ARHGAP20: variants seen among roughly 807,000 people sequenced by gnomAD.
ARHGAP20 encodes Rho GTPase activating protein 20.
In ARHGAP20, 34 loss-of-function variants were observed where a neutral mutation model predicts 73.7. That is an observed-to-expected ratio of 0.46 (90% confidence interval 0.35 to 0.61). The LOEUF (loss-of-function observed/expected upper bound fraction) is 0.61. ARHGAP20 is among the 20% of genes least tolerant of loss of function. The pLI is 0.00. For missense variants in ARHGAP20, 1,314 were observed against 1,420.9 expected, an observed-to-expected ratio of 0.92 and a Z score of 1.21; for synonymous variants, 523 against 518.2, an observed-to-expected ratio of 1.01 and a Z score of -0.13.
At position 110,651,483 on chromosome 11, in the gene ARHGAP20, A is replaced by G. The variant is rs980628420; in HGVS notation, c.189-20691T>C. ...GAAATATTAATAGACTGCTAGCTAG[A>G]CTAACATGGAAGAAGAGACAGAAGA... On this transcript the variant is annotated intron_variant, in intron 2 of 14. Coordinates refer to ENST00000683387, the MANE Select transcript of ARHGAP20 (RefSeq NM_001384657.1). Among the ~76,000 whole-genome samples the G allele has an allele frequency of 3.3e-5, 5 of 152,040 alleles. 1 individual carries two copies. Among genetic ancestry groups the G allele is most frequent in the Admixed American group, 3.3e-4 (5 of 15,226 alleles).
intron 1 of ARHGAP20, chr11:110,711,798 C>G: frequency 1.5e-6 from 2 of 1,345,914 alleles, no homozygotes; most frequent in Non-Finnish European, 1.9e-6. Flanking sequence ...GAAAGGCGAT[C>G]GCCCACTACA....
At chr11:110,641,437 AG>A (rs1949075352) in intron 2 of ARHGAP20, among the ~76,000 whole-genome samples, 1 of 152,090 alleles carries the variant, frequency 6.6e-6, no homozygotes, top group Non-Finnish European at 1.5e-5. Context: ...ATTATCAAGA[AG>A]GAAAGGAACA....
At chr11:110,584,200 C>T (rs774469512) in intron 12 of ARHGAP20, among the ~76,000 whole-genome samples, 9 of 152,290 alleles carry the variant, frequency 5.9e-5, no homozygotes, top group East Asian at 1.9e-4. Flanking sequence ...GCTATCAAGA[C>T]GTCCAGGTCC....
intron 2 of ARHGAP20, among the ~76,000 whole-genome samples, chr11:110,632,352 C>G (rs181730458): frequency 6.6e-6 from 1 of 152,252 alleles, no homozygotes; most frequent in East Asian, 1.9e-4. Flanking sequence ...TTGGTGTTAT[C>G]AATCTTTTGA....
intron 12 of ARHGAP20, among the ~76,000 whole-genome samples, chr11:110,584,940 TATATGAATATATGAATATATGTGA>T (rs1215130614): frequency 4.0e-5 from 5 of 125,066 alleles, no homozygotes; most frequent in Admixed American, 9.6e-5. Context: ...AATATATGTG[TATATGAATATATGAATATATGTGA>T]ATATATGAAT....
At chr11:110,609,356 A>G (rs1281324888) in intron 7 of ARHGAP20, among the ~76,000 whole-genome samples, 1 of 152,170 alleles carries the variant, frequency 6.6e-6, no homozygotes, top group Non-Finnish European at 1.5e-5. Context: ...CTTAACCTCC[A>G]ACATGCCCCT....
rs535780143 is a variant in ARHGAP20 at position 110,678,755 on chromosome 11, A to G, written c.188+11792T>C. ...CGGCTCACTGCGCCTCAACCTCCTG[A>G]GCTCAAGCAATCCTCCCACCTCAGC... On this transcript the variant is annotated intron_variant, in intron 2 of 14. Transcript: ENST00000683387. 3.5e-3 allele frequency among the ~76,000 whole-genome samples: 532 copies of G among 152,150 alleles called. 3 individuals carry two copies. The highest frequency in any genetic ancestry group is 0.012 in the African/African-American group (499 of 41,542).
intron 2 of ARHGAP20, among the ~76,000 whole-genome samples, chr11:110,681,304 G>T (rs778032919): frequency 1.1e-4 from 17 of 152,114 alleles, no homozygotes; most frequent in Non-Finnish European, 2.1e-4. Context: ...CTTATACCAA[G>T]AAACCATACC....
intron 2 of ARHGAP20, among the ~76,000 whole-genome samples, chr11:110,664,135 C>G (rs1398805629): frequency 6.6e-6 from 1 of 151,980 alleles, no homozygotes; most frequent in Non-Finnish European, 1.5e-5. Flanking sequence ...CAAAGAGGTC[C>G]ACTAGAACCA....
At chr11:110,713,034 AG>A (rs1355493582), upstream of ARHGAP20, 1 of 152,292 alleles carries the variant, frequency 6.6e-6, no homozygotes, top group Non-Finnish European at 1.5e-5. Flanking sequence ...GGGCTTCTGC[AG>A]CCGGTCATGT....
chr11:110,580,267 C>A lies in ARHGAP20; in HGVS notation c.2679G>T (p.Met893Ile). Residue 893 changes from methionine to isoleucine, a missense_variant, in exon 15 of 15, where the codon ATG (methionine) becomes ATT (isoleucine). This residue lies in a region of ARHGAP20 where 641 missense variants were observed against 636.9 expected (regional missense o/e 1.01). Coordinates refer to ENST00000683387, the MANE Select transcript of ARHGAP20 (RefSeq NM_001384657.1). The stretch of plus-strand genomic sequence containing the variant: ...TCTGATTAATGAGCTTCTGCCCCTC[C>A]ATTTGCAAAGACTTATGCCGTTTGA... The part of the protein sequence containing the change: ...DYLKRHKSLQ[M>I]EGQKLINQSL... 1 of 1,614,220 alleles carries A rather than the reference C, an allele frequency of 6.2e-7. No individual in the cohort carries two copies. The highest frequency in any genetic ancestry group is 8.5e-7 in the Non-Finnish European group (1 of 1,180,030).
At chr11:110,686,652 CA>C (rs1950137953) in intron 2 of ARHGAP20, among the ~76,000 whole-genome samples, 1 of 151,976 alleles carries the variant, frequency 6.6e-6, no homozygotes, top group African/African-American at 2.4e-5. Flanking sequence ...CTATAGATAA[CA>C]GTATTATATT....
At chr11:110,619,848 A>C (rs1257997691) in intron 4 of ARHGAP20, among the ~76,000 whole-genome samples, 1 of 152,130 alleles carries the variant, frequency 6.6e-6, no homozygotes, top group African/African-American at 2.4e-5. Flanking sequence ...ATATGTAGTG[A>C]TAGAGATGAA....
At chr11:110,640,480 A>G (rs892056496) in intron 2 of ARHGAP20, among the ~76,000 whole-genome samples, 6 of 152,046 alleles carry the variant, frequency 3.9e-5, no homozygotes, top group African/African-American at 1.4e-4. Flanking sequence ...ATGAAGCTAC[A>G]AAAACCACTC....
chr11:110,691,142 C>A, intron 1 of ARHGAP20: 1 of 530,940 alleles, frequency 1.9e-6, no homozygotes, highest in Non-Finnish European at 3.0e-6. Flanking sequence ...TCCCTTCTTC[C>A]AAATAGACTT....
chr11:110,667,440 G>T (rs1949744380), intron 2 of ARHGAP20, among the ~76,000 whole-genome samples: 1 of 152,142 alleles, frequency 6.6e-6, no homozygotes, highest in Non-Finnish European at 1.5e-5. Context: ...CCATTGTTAA[G>T]ACATATTGCT....
At chr11:110,582,099 C>A (rs1421733692) in intron 14 of ARHGAP20, among the ~76,000 whole-genome samples, 2 of 152,082 alleles carry the variant, frequency 1.3e-5, no homozygotes, top group Non-Finnish European at 2.9e-5. Flanking sequence ...AGGCTGGAAC[C>A]TAATCTCTAT....
chr11:110,660,072 A>AAAACAAACAAAC (rs1278415209), intron 2 of ARHGAP20, among the ~76,000 whole-genome samples: 1 of 151,682 alleles, frequency 6.6e-6, no homozygotes, highest in African/African-American at 2.4e-5. Context: ...AAAAAAAAAA[A>AAAACAAACAAAC]AAAAAAGAAA....
At chr11:110,584,939 GTATATGAA>G (rs1471086279) in intron 12 of ARHGAP20, among the ~76,000 whole-genome samples, 9 of 115,366 alleles carry the variant, frequency 7.8e-5, no homozygotes, top group African/African-American at 2.1e-4. Flanking sequence ...GAATATATGT[GTATATGAA>G]TATATGAATA....
Sources: allele counts gnomAD v4.1 joint callset (sites outside exome capture counted in the v4.1 genomes callset), GRCh38; gene constraint gnomAD v4.1.1; regional missense constraint gnomAD v4.1.1; transcripts MANE v1.5; gene names NCBI Gene and HGNC (gene_info 2026-07-23, HGNC 2026-07-21).